VSNL1: variants seen among roughly 807,000 people sequenced by gnomAD.
VSNL1 encodes the protein visinin-like protein 1.
In VSNL1, 6 loss-of-function variants were observed where a neutral mutation model predicts 20.4. That is an observed-to-expected ratio of 0.29 (90% confidence interval 0.16 to 0.58). The LOEUF is 0.58. Among genes scored for constraint, VSNL1 ranks in the 20% least tolerant of loss-of-function variants. VSNL1 has a pLI of 0.90. For missense variants in VSNL1, 100 were observed against 234.5 expected (o/e 0.43, Z 3.75); for synonymous variants, 93 against 86.4 (o/e 1.08, Z -0.42).
intron 1 of VSNL1, among the ~76,000 whole-genome samples, chr2:17,579,121 TA>T (rs1462322052): frequency 3.3e-5 from 5 of 151,940 alleles, no homozygotes; most frequent in Non-Finnish European, 4.4e-5. Context: ...TCTTTTTTTT[TA>T]TTTTTTTTTT....
chr2:17,614,300 T>A (rs1251511175), intron 2 of VSNL1, among the ~76,000 whole-genome samples: 1 of 152,276 alleles, frequency 6.6e-6, no homozygotes. Context: ...GGGGAAACAT[T>A]GGCTTAACAA....
At chr2:17,548,904 G>T (rs533419034) in intron 1 of VSNL1, among the ~76,000 whole-genome samples, 1 of 152,184 alleles carries the variant, frequency 6.6e-6, no homozygotes, top group Non-Finnish European at 1.5e-5. Context: ...TTTAAGACAT[G>T]TCTTCTGCTA....
intron 1 of VSNL1, among the ~76,000 whole-genome samples, chr2:17,563,888 T>C (rs1663874684): frequency 6.6e-6 from 1 of 152,204 alleles, no homozygotes; most frequent in Non-Finnish European, 1.5e-5. Context: ...TTATCTATGT[T>C]CTTTTTTTGT....
At chr2:17,596,479 C>A (rs1057294817) in intron 2 of VSNL1, among the ~76,000 whole-genome samples, 3 of 152,134 alleles carry the variant, frequency 2.0e-5, no homozygotes, top group Non-Finnish European at 4.4e-5. Flanking sequence ...AGAAAATCAA[C>A]CCAGGGGAAG....
Position 17,574,330 on chromosome 2 carries a change from A to T in VSNL1, c.-5-17740A>T, listed in dbSNP as rs973421454. On this transcript the variant is annotated intron_variant, in intron 1 of 3. Coordinates refer to ENST00000295156, the MANE Select transcript of VSNL1 (RefSeq NM_003385.5). ...ATACAGCACTTTTAGCCCTATCATC[A>T]CATGAAACACTCCTTCCTGACCCAC... Among the ~76,000 whole-genome samples, 5 of 152,192 alleles carry T rather than the reference A, an allele frequency of 3.3e-5. 1 individual carries two copies. Among genetic ancestry groups the T allele is most frequent in the Non-Finnish European group, 1.5e-5 (1 of 68,042 alleles).
At chr2:17,608,085 C>T (rs1664989355) in intron 2 of VSNL1, among the ~76,000 whole-genome samples, 1 of 152,136 alleles carries the variant, frequency 6.6e-6, no homozygotes, top group African/African-American at 2.4e-5. Flanking sequence ...ACTTGACATG[C>T]CCAGTATGAA....
chr2:17,645,422 A>G (rs997673056), intron 2 of VSNL1, among the ~76,000 whole-genome samples: 1 of 152,230 alleles, frequency 6.6e-6, no homozygotes, highest in African/African-American at 2.4e-5. Flanking sequence ...AAATGCTGCA[A>G]TATTTTCTCT....
intron 1 of VSNL1, 57 bp from the exon 2 acceptor site, chr2:17,592,013 C>T: frequency 6.2e-7 from 1 of 1,603,700 alleles, no homozygotes; most frequent in Non-Finnish European, 8.5e-7. Context: ...TGGCTCCTAA[C>T]CAAGTTTGAA....
intron 2 of VSNL1, among the ~76,000 whole-genome samples, chr2:17,592,638 CTCTTTTTTTT>C (rs1664618068): frequency 3.9e-5 from 3 of 77,636 alleles, no homozygotes; most frequent in African/African-American, 6.2e-5. Flanking sequence ...CTCTCTCTCT[CTCTTTTTTTT>C]TTTTTTTTTT....
At chr2:17,580,185 A>G (rs558104176) in intron 1 of VSNL1, among the ~76,000 whole-genome samples, 6 of 152,294 alleles carry the variant, frequency 3.9e-5, no homozygotes, top group Admixed American at 1.3e-4. Context: ...AAAATAGAAA[A>G]TTCAGAGCTT....
intron 2 of VSNL1, among the ~76,000 whole-genome samples, chr2:17,636,414 A>G (rs201381038): frequency 6.6e-6 from 1 of 152,198 alleles, no homozygotes; most frequent in East Asian, 1.9e-4. Context: ...ACACCATGAC[A>G]TGCACATATT....
intron 1 of VSNL1, among the ~76,000 whole-genome samples, chr2:17,572,240 T>G (rs1266927667): frequency 1.3e-5 from 2 of 152,192 alleles, no homozygotes; most frequent in East Asian, 3.8e-4. Context: ...AATAAAAACT[T>G]TAGAAACTAG....
At chr2:17,609,288 T>C (rs973639782) in intron 2 of VSNL1, among the ~76,000 whole-genome samples, 1 of 152,088 alleles carries the variant, frequency 6.6e-6, no homozygotes, top group Non-Finnish European at 1.5e-5. Context: ...AGCATGTCCT[T>C]CCCCTCAGGG....
upstream of VSNL1, chr2:17,540,617 G>A (rs1160355161): frequency 6.5e-6 from 1 of 152,762 alleles, no homozygotes; most frequent in Non-Finnish European, 1.5e-5. Context: ...GAGGAAAGGG[G>A]AGGGGGTGCC....
intron 2 of VSNL1, among the ~76,000 whole-genome samples, chr2:17,645,002 T>G (rs1317756634): frequency 1.3e-5 from 2 of 152,262 alleles, no homozygotes; most frequent in Non-Finnish European, 2.9e-5. Context: ...AAAGCAACTA[T>G]GTCTTCTGCG....
At chr2:17,623,989 A>T (rs981417108) in intron 2 of VSNL1, among the ~76,000 whole-genome samples, 3 of 152,236 alleles carry the variant, frequency 2.0e-5, no homozygotes, top group African/African-American at 7.2e-5. Flanking sequence ...AACTTAAGGT[A>T]GTGTAGGTCC....
At chr2:17,591,397 GA>G (rs1664590803) in intron 1 of VSNL1, among the ~76,000 whole-genome samples, 1 of 152,130 alleles carries the variant, frequency 6.6e-6, no homozygotes, top group Non-Finnish European at 1.5e-5. Flanking sequence ...TAGCAGTCTG[GA>G]ATAATATCAA....
intron 3 of VSNL1, among the ~76,000 whole-genome samples, chr2:17,653,536 T>C (rs1036849755): frequency 1.3e-5 from 2 of 152,230 alleles, no homozygotes; most frequent in Non-Finnish European, 2.9e-5. Flanking sequence ...GTCTACCAAT[T>C]ATCCACAAAA....
intron 2 of VSNL1, among the ~76,000 whole-genome samples, chr2:17,626,664 C>A (rs1665515784): frequency 6.7e-6 from 1 of 149,026 alleles, no homozygotes; most frequent in Admixed American, 6.8e-5. Context: ...TAAAGGTACA[C>A]CTTTATTAGA....
Sources: allele counts gnomAD v4.1 joint callset (sites outside exome capture counted in the v4.1 genomes callset), GRCh38; gene constraint gnomAD v4.1.1; transcripts MANE v1.5; gene names NCBI Gene and HGNC (gene_info 2026-07-23, HGNC 2026-07-21).